Variants in RALGPS2 observed in about 807,000 individuals in gnomAD.
RALGPS2 encodes Ral GEF with PH domain and SH3 binding motif 2.
RALGPS2 carries 43 observed loss-of-function variants against 86.8 expected under a neutral mutation model. The observed-to-expected ratio is 0.50, with a 90% CI of 0.39 to 0.64. The LOEUF is 0.64. RALGPS2 is among the 30% of genes least tolerant of loss of function. RALGPS2 has a pLI of 0.00. For missense variants in RALGPS2, 536 were observed against 694.6 expected, an observed-to-expected ratio of 0.77 and a Z score of 2.57; for synonymous variants, 243 against 231.3, an observed-to-expected ratio of 1.05 and a Z score of -0.46.
chr1:178,752,133 ATTTTT>A (rs201582341), intron 1 of RALGPS2, among the ~76,000 whole-genome samples: 1 of 136,202 alleles, frequency 7.3e-6, no homozygotes. Context: ...TTGTGTAGTA[ATTTTT>A]TTTTTTTTTT....
intron 14 of RALGPS2, 152 bp from the exon 15 acceptor site, chr1:178,892,078 A>G: frequency 1.3e-6 from 1 of 765,562 alleles, no homozygotes; most frequent in Non-Finnish European, 2.0e-6. Context: ...TGCATGCTTT[A>G]AAAAAGAAAG....
At chr1:178,748,745 CAGGAGG>C (rs1651481785) in intron 1 of RALGPS2, among the ~76,000 whole-genome samples, 4 of 151,034 alleles carry the variant, frequency 2.6e-5, no homozygotes, top group Non-Finnish European at 4.4e-5. Context: ...CCCAGCTACT[CAGGAGG>C]CTGAGGCAGC....
intron 10 of RALGPS2, among the ~76,000 whole-genome samples, chr1:178,882,868 A>T (rs1402840757): frequency 2.6e-5 from 4 of 152,212 alleles, no homozygotes; most frequent in African/African-American, 9.6e-5. Context: ...CTTTCTGCTG[A>T]AGAGTTCTGT....
intron 6 of RALGPS2, among the ~76,000 whole-genome samples, chr1:178,820,509 GT>G (rs1035662402): frequency 6.6e-6 from 1 of 152,080 alleles, no homozygotes; most frequent in Non-Finnish European, 1.5e-5. Context: ...TCACTCTCAA[GT>G]GTCATTTCTG....
At chr1:178,745,822 CTTTTTTTTTTTTT>C (rs34277622) in intron 1 of RALGPS2, among the ~76,000 whole-genome samples, 6,165 of 86,422 alleles carry the variant, frequency 0.071, 507 homozygotes, top group African/African-American at 0.23. Flanking sequence ...TTCAATTCTT[CTTTTTTTTTTTTT>C]TTTTTTTTTT....
intron 8 of RALGPS2, chr1:178,853,017 A>G: frequency 1.3e-6 from 2 of 1,533,270 alleles, no homozygotes; most frequent in Non-Finnish European, 1.7e-6. Flanking sequence ...ATTTTTACAG[A>G]GCAGTGTTAA....
At chr1:178,734,081 TAAAC>T (rs1043507257) in intron 1 of RALGPS2, among the ~76,000 whole-genome samples, 2 of 152,264 alleles carry the variant, frequency 1.3e-5, no homozygotes, top group African/African-American at 2.4e-5. Context: ...TTCTCAAAGA[TAAAC>T]AAGTGGCCAA....
intron 1 of RALGPS2, among the ~76,000 whole-genome samples, chr1:178,769,605 G>A (rs1212858993): frequency 1.3e-5 from 2 of 152,074 alleles, no homozygotes; most frequent in African/African-American, 4.8e-5. Context: ...GAGTGGAGAG[G>A]GCCCTGCTGC....
At chr1:178,808,280 T>C in intron 5 of RALGPS2, 152 bp downstream of exon 5, 1 of 622,412 alleles carries the variant, frequency 1.6e-6, no homozygotes, top group Non-Finnish European at 2.9e-6. Context: ...TCTTTTTTTC[T>C]CTGTAACTCC....
intron 19 of RALGPS2, among the ~76,000 whole-genome samples, chr1:178,909,981 T>C (rs1267257105): frequency 6.6e-6 from 1 of 152,132 alleles, no homozygotes; most frequent in African/African-American, 2.4e-5. Flanking sequence ...TTTTACCTCC[T>C]TGATTAGCTG....
At chr1:178,815,789 C>G (rs1366963833) in intron 6 of RALGPS2, among the ~76,000 whole-genome samples, 1 of 152,156 alleles carries the variant, frequency 6.6e-6, no homozygotes. Context: ...CCAACACACC[C>G]CACTGCTACA....
intron 8 of RALGPS2, chr1:178,850,448 A>T (rs1478046094): frequency 1.3e-5 from 2 of 152,222 alleles, no homozygotes; most frequent in Non-Finnish European, 2.9e-5. Flanking sequence ...TGAAAAATTC[A>T]TTCATAGATT....
At chr1:178,885,391 A>C in intron 12 of RALGPS2, 180 bp downstream of exon 12, 1 of 595,592 alleles carries the variant, frequency 1.7e-6, no homozygotes, top group South Asian at 2.6e-5. Context: ...ACTTTACCTG[A>C]ATTTGGAAAT....
At chr1:178,862,588 A>ATTTT (rs111564790) in intron 8 of RALGPS2, among the ~76,000 whole-genome samples, 7 of 131,298 alleles carry the variant, frequency 5.3e-5, no homozygotes, top group East Asian at 4.5e-4. Context: ...GAGGAGTTGC[A>ATTTT]TTTTTTTTAT....
At chr1:178,916,045 C>G (rs944128548) in intron 19 of RALGPS2, among the ~76,000 whole-genome samples, 10 of 152,142 alleles carry the variant, frequency 6.6e-5, no homozygotes, top group African/African-American at 1.9e-4. Flanking sequence ...ATTCAGTAAA[C>G]GTCTACTGAG....
rs903161353 is a variant in RALGPS2, at chr1:178,916,532, C to G, written c.*173C>G. On this transcript the variant is annotated 3_prime_UTR_variant, in exon 20 of 20. Coordinates refer to ENST00000367635, the MANE Select transcript of RALGPS2 (RefSeq NM_152663.5). ...ATTTCAGGGAATGATTTGAGATATT[C>G]CCAGAGAACAAATTGGAGTTGCAAA... 7 of 590,770 alleles carry G rather than the reference C, an allele frequency of 1.2e-5. No homozygotes were observed. Among genetic ancestry groups the G allele is most frequent in the Non-Finnish European group, 2.0e-5 (7 of 349,730 alleles). The allele number at this position is 590,770 out of a possible 1,614,324, so 36.6% of individuals were successfully genotyped here.
intron 1 of RALGPS2, among the ~76,000 whole-genome samples, chr1:178,764,984 C>T (rs1221585291): frequency 6.6e-6 from 1 of 152,052 alleles, no homozygotes; most frequent in Non-Finnish European, 1.5e-5. Context: ...ACCAGATCCC[C>T]ACTTTGTGCT....
chr1:178,876,180 T>C (rs1273158145), intron 8 of RALGPS2, among the ~76,000 whole-genome samples: 1 of 152,194 alleles, frequency 6.6e-6, no homozygotes, highest in African/African-American at 2.4e-5. Context: ...GCAACTGCCT[T>C]AAATGAGTTT....
chr1:178,836,987 C>T (rs1184529174), intron 8 of RALGPS2, among the ~76,000 whole-genome samples: 2 of 152,054 alleles, frequency 1.3e-5, no homozygotes, highest in African/African-American at 4.8e-5. Context: ...CGCCATGTTG[C>T]CCAGGCTGAT....
Sources: allele counts gnomAD v4.1 joint callset (sites outside exome capture counted in the v4.1 genomes callset), GRCh38; gene constraint gnomAD v4.1.1; transcripts MANE v1.5; gene names NCBI Gene and HGNC (gene_info 2026-07-23, HGNC 2026-07-21).